Variants in SHROOM3 observed in about 807,000 individuals in gnomAD.
The protein encoded by SHROOM3 is shroom family member 3, also known as protein Shroom3.
SHROOM3 carries 47 observed loss-of-function variants against 138.6 expected under a neutral mutation model. That is an observed-to-expected ratio of 0.34 (90% CI 0.27 to 0.43). SHROOM3 has a LOEUF of 0.43. Ranked by LOEUF, SHROOM3 falls within the 20% of genes least tolerant of loss-of-function variation. The probability of loss-of-function intolerance (pLI) is 1.00; values close to 1 mark genes in which losing one functional copy is unlikely to be tolerated. For missense variants in SHROOM3, 2,491 were observed against 2,596.5 expected (o/e 0.96, Z 0.88); for synonymous variants, 1,062 against 1,063.3 (o/e 1.00, Z 0.02).
intron 1 of SHROOM3, among the ~76,000 whole-genome samples, chr4:76,490,253 CT>C (rs1374229815): frequency 1.3e-5 from 2 of 152,098 alleles, no homozygotes; most frequent in East Asian, 3.9e-4. Context: ...ATCAGTCTGA[CT>C]GGTTGTGGAC....
At chr4:76,634,739 G>A (rs1053314518) in intron 2 of SHROOM3, among the ~76,000 whole-genome samples, 1 of 152,088 alleles carries the variant, frequency 6.6e-6, no homozygotes. Context: ...TCTTTGAAGG[G>A]TGACTTTATT....
Position 76,782,846 on chromosome 4 carries a change from G to T in SHROOM3, c.*3669G>T, listed in dbSNP as rs1722767930. 1 of 152,146 alleles carries T rather than the reference G, an allele frequency of 6.6e-6. No individual in the cohort carries two copies. The highest frequency in any genetic ancestry group is 1.5e-5 in the Non-Finnish European group (1 of 68,028). 9.4% of individuals were successfully genotyped at this position (152,146 alleles called of 1,614,324 possible). ...ATTTCCTGCTGCCTTAACTCTTTGG[G>T]ATGCATAGGATAAAATGATAAAGAC... is the stretch of plus-strand genomic sequence containing the variant. On this transcript the variant is annotated 3_prime_UTR_variant, in exon 11 of 11. Transcript: ENST00000296043.
chr4:76,710,188 C>T lies in SHROOM3; in HGVS notation c.356C>T (p.Thr119Ile). ...TGCACAGACCCAGGCCATGCAGATA[C>T]TGGTGCCTCTAACTTCGTCAGCCCA... ...DVCTDPGHAD[T>I]GASNFVSPEH... The change falls in exon 3 of 11, where the codon ACT becomes ATT. Residue 119 changes from threonine (T) to isoleucine (I), a missense_variant. Coordinates refer to ENST00000296043, the MANE Select transcript of SHROOM3 (RefSeq NM_020859.4). The T allele has an allele frequency of 6.2e-7, 1 of 1,614,176 alleles. No individual in the cohort carries two copies. Among genetic ancestry groups the T allele is most frequent in the Middle Eastern group, 1.6e-4 (1 of 6,062 alleles).
intron 1 of SHROOM3, among the ~76,000 whole-genome samples, chr4:76,476,806 G>A (rs575886212): frequency 6.6e-6 from 1 of 152,264 alleles, no homozygotes; most frequent in South Asian, 2.1e-4. Context: ...TTTTGGGAAT[G>A]TGCTATGGGT....
chr4:76,650,832 T>G (rs1452780139), intron 2 of SHROOM3, among the ~76,000 whole-genome samples: 1 of 152,160 alleles, frequency 6.6e-6, no homozygotes. Flanking sequence ...CATGAGCCAC[T>G]GCGCTGGCCT....
intron 2 of SHROOM3, among the ~76,000 whole-genome samples, chr4:76,705,692 C>T (rs1720029520): frequency 1.3e-5 from 2 of 152,076 alleles, no homozygotes; most frequent in South Asian, 4.1e-4. Flanking sequence ...TTTTTTTAGC[C>T]TCTGCTAAAC....
At chr4:76,693,880 G>A (rs1043818801) in intron 2 of SHROOM3, among the ~76,000 whole-genome samples, 4 of 143,990 alleles carry the variant, frequency 2.8e-5, no homozygotes, top group Admixed American at 7.1e-5. Flanking sequence ...GATGATTGTC[G>A]AAGCTGAGCT....
rs200056000 is a variant in SHROOM3 at position 76,739,350 on chromosome 4, G to T, written c.1177G>T (p.Ala393Ser). Residue 393 changes from alanine to serine, a missense_variant, in exon 5 of 11, where the codon GCA becomes TCA. Ala to Ser is a moderately conservative substitution (Grantham distance 99). Coordinates refer to ENST00000296043, the MANE Select transcript of SHROOM3 (RefSeq NM_020859.4). ...PLPPARSDSYAAFRHRERPSS... is the reference protein window; with the variant it reads ...PLPPARSDSYSAFRHRERPSS... Reference sequence around the variant, plus strand: ...GCCTCCAGCTCGGAGTGACAGTTACGCAGCATTTCGGCACCGTGAGCGGCC... The same window carrying T: ...GCCTCCAGCTCGGAGTGACAGTTACTCAGCATTTCGGCACCGTGAGCGGCC... The T allele has an allele frequency of 1.2e-6, 2 of 1,614,066 alleles. No individual in the cohort carries two copies. The highest frequency in any genetic ancestry group is 2.2e-5 in the South Asian group (2 of 91,084).
At chr4:76,577,341 T>C (rs1455304701) in intron 2 of SHROOM3, among the ~76,000 whole-genome samples, 1 of 152,186 alleles carries the variant, frequency 6.6e-6, no homozygotes, top group Non-Finnish European at 1.5e-5. Context: ...GGTCTGATTG[T>C]TTACTCTTTA....
chr4:76,661,514 G>T (rs1306466545), intron 2 of SHROOM3, among the ~76,000 whole-genome samples: 1 of 152,076 alleles, frequency 6.6e-6, no homozygotes, highest in Non-Finnish European at 1.5e-5. Flanking sequence ...GATTACAGGC[G>T]TGAGACACTG....
intron 2 of SHROOM3, among the ~76,000 whole-genome samples, chr4:76,669,760 G>C (rs1718822712): frequency 6.6e-6 from 1 of 152,116 alleles, no homozygotes; most frequent in South Asian, 2.1e-4. Context: ...GATTTATATA[G>C]AGGTGAGACT....
Position 76,770,845 on chromosome 4 carries a change from C to T in SHROOM3, c.5569C>T (p.Arg1857Cys), listed in dbSNP as rs145483443. Residue 1857 changes from arginine (R) to cysteine (C), a missense_variant, in exon 10 of 11, where the codon CGT becomes TGT. By Grantham distance (180) the Arg-to-Cys change is radical (BLOSUM62 -3). Transcript: ENST00000296043. ...GCTCTCCCTCTCGGGGCGTCTAGCC[C>T]GTGTTGAGAATGTCCTTAGCGGCCT... is the stretch of plus-strand genomic sequence containing the variant. ...LLLSLSGRLARVENVLSGLGE... is the reference protein window; with the variant it reads ...LLLSLSGRLACVENVLSGLGE... 1.6e-5 allele frequency: 26 copies of T among 1,614,030 alleles called. No individual in the cohort carries two copies. Among genetic ancestry groups the T allele is most frequent in the African/African-American group, 5.3e-5 (4 of 74,894 alleles).
At chr4:76,519,736 T>C (rs776229683) in intron 1 of SHROOM3, among the ~76,000 whole-genome samples, 6 of 152,232 alleles carry the variant, frequency 3.9e-5, no homozygotes, top group Non-Finnish European at 8.8e-5. Flanking sequence ...TTTTAGAATT[T>C]AAACATCCAT....
At chr4:76,463,425 T>C (rs747231725) in intron 1 of SHROOM3, among the ~76,000 whole-genome samples, 1 of 152,168 alleles carries the variant, frequency 6.6e-6, no homozygotes, top group Non-Finnish European at 1.5e-5. Flanking sequence ...TTAGAACTTA[T>C]ATTTAAAATG....
chr4:76,482,869 T>C (rs1233033888), intron 1 of SHROOM3, among the ~76,000 whole-genome samples: 1 of 152,128 alleles, frequency 6.6e-6, no homozygotes, highest in Non-Finnish European at 1.5e-5. Context: ...ATCTGATCTT[T>C]GACAAACCTG....
intron 1 of SHROOM3, among the ~76,000 whole-genome samples, chr4:76,447,011 A>G (rs540595701): frequency 8.6e-5 from 13 of 151,098 alleles, no homozygotes; most frequent in African/African-American, 2.7e-4. Flanking sequence ...CTAATAGTAC[A>G]CTCTCTTGGC....
At position 76,756,551 on chromosome 4, in the gene SHROOM3, T is replaced by C. The variant is rs1721821105; in HGVS notation, c.4812T>C (p.Ser1604=). The C allele has an allele frequency of 3.1e-6, 5 of 1,613,642 alleles. No individual in the cohort carries two copies. Among genetic ancestry groups the C allele is most frequent in the Non-Finnish European group, 4.2e-6 (5 of 1,179,992 alleles). ...CACTGGCTTCCAGACTCCAAACTTCTATCAAGGGTTCAGAGGCTGAGTCCA... is the reference window on the plus strand; with the variant it reads ...CACTGGCTTCCAGACTCCAAACTTCCATCAAGGGTTCAGAGGCTGAGTCCA... The part of the protein sequence containing the change: ...SQTLASRLQT[S]IKGSEAESTP... The change falls in exon 8 of 11, where the codon TCT becomes TCC. Residue 1604 remains serine (S), a synonymous_variant. Coordinates refer to ENST00000296043, the MANE Select transcript of SHROOM3 (RefSeq NM_020859.4).
At position 76,613,048 on chromosome 4, in the gene SHROOM3, T is replaced by G. The variant is rs183073601; in HGVS notation, c.323+57285T>G. ...TCTTATGAGGTGGGTAAACACCAAGTCAGTCAACTTCTATGTTATAAAAAC... is the reference window on the plus strand; with the variant it reads ...TCTTATGAGGTGGGTAAACACCAAGGCAGTCAACTTCTATGTTATAAAAAC... On this transcript the variant is annotated intron_variant, in intron 2 of 10. Transcript: ENST00000296043. Among the ~76,000 whole-genome samples, 47 of 152,234 alleles carry G rather than the reference T, an allele frequency of 3.1e-4. 1 individual carries two copies. The highest frequency in any genetic ancestry group is 1.1e-3 in the African/African-American group (46 of 41,540).
At position 76,710,144 on chromosome 4, in the gene SHROOM3, T is replaced by A; in HGVS notation, c.324-12T>A. The A allele has an allele frequency of 6.2e-7, 1 of 1,613,972 alleles. No individual in the cohort carries two copies. The highest frequency in any genetic ancestry group is 8.5e-7 in the Non-Finnish European group (1 of 1,179,936). ...CATCATGCTCAGCTTCTTCTTTTCC[T>A]ATTGTTGACAGAGATGTGTGCACAG... On this transcript the variant is annotated splice_polypyrimidine_tract_variant and intron_variant, in intron 2 of 10. Transcript: ENST00000296043.
Sources: gnomAD v4.1 joint callset for allele counts (sites outside exome capture counted in the v4.1 genomes callset) on GRCh38, gnomAD v4.1.1 for gene constraint, MANE v1.5 for transcripts, NCBI Gene and HGNC (gene_info 2026-07-23, HGNC 2026-07-21) for gene names.